Variants in EIF4A1 observed in about 807,000 individuals in gnomAD.
The protein encoded by EIF4A1 is eukaryotic initiation factor 4A-I.
EIF4A1 carries 11 observed loss-of-function variants against 53.5 expected under a neutral mutation model. That is an observed-to-expected ratio of 0.21 (90% CI 0.13 to 0.34). EIF4A1 has a LOEUF of 0.34. EIF4A1 is among the 10% of genes least tolerant of loss of function. The pLI, the probability that EIF4A1 is intolerant of heterozygous loss-of-function variation, is 1.00. For synonymous variants in EIF4A1, 237 were observed against 186.7 expected (o/e 1.27, Z -2.20); for missense variants, 213 against 530.8 (o/e 0.40, Z 5.88).
intron 3 of EIF4A1, chr17:7,574,890 A>G (rs1317098540): frequency 2.9e-6 from 3 of 1,038,940 alleles, no homozygotes; most frequent in Admixed American, 1.7e-5. Context: ...TTATATTTGC[A>G]TCTACAGCCA....
Position 7,578,716 on chromosome 17 carries a change from AC to A in EIF4A1, c.*231del. 2.6e-6 allele frequency: 1 copy of A among 384,958 alleles called. No homozygotes were observed. Among genetic ancestry groups the A allele is most frequent in the Non-Finnish European group, 4.5e-6 (1 of 219,988 alleles). 23.8% of individuals were successfully genotyped at this position (384,958 alleles called of 1,614,324 possible). ...CTCTTCTCCCAAAAAAAAAAAAAAA[AC>A]ACTAATCCATTTCCCTAACCTAGTA... On this transcript the variant is annotated 3_prime_UTR_variant, in exon 11 of 11. Coordinates refer to ENST00000293831, the MANE Select transcript of EIF4A1 (RefSeq NM_001416.4).
intron 4 of EIF4A1, chr17:7,576,175 GA>G (rs373861977): frequency 0.03 from 4,999 of 168,478 alleles, 264 homozygotes; most frequent in African/African-American, 0.11. Context: ...CTCAAAAAAA[GA>G]AAAAAAAAAT....
chr17:7,578,597 C>A lies in EIF4A1; in HGVS notation c.*111C>A. On this transcript the variant is annotated 3_prime_UTR_variant, in exon 11 of 11. Coordinates refer to ENST00000293831, the MANE Select transcript of EIF4A1 (RefSeq NM_001416.4). Reference sequence around the variant, plus strand: ...GGATGGACATCTTGTCATTTTTTTTCTTTGAATAAATGTCACTTTTTGAGG... The same window carrying A: ...GGATGGACATCTTGTCATTTTTTTTATTTGAATAAATGTCACTTTTTGAGG... 6 of 1,272,160 alleles carry A rather than the reference C, an allele frequency of 4.7e-6. No homozygotes were observed. Among genetic ancestry groups the A allele is most frequent in the South Asian group, 4.1e-5 (2 of 48,664 alleles). The allele number at this position is 1,272,160 out of a possible 1,614,324, so 78.8% of individuals were successfully genotyped here.
rs746054327 is a variant in EIF4A1, at chr17:7,578,448, A to G, written c.1183A>G (p.Ile395Val). The G allele has an allele frequency of 9.9e-6, 16 of 1,612,534 alleles. No individual in the cohort carries two copies. Among genetic ancestry groups the G allele is most frequent in the Admixed American group, 3.3e-5 (2 of 59,894 alleles). Residue 395 changes from isoleucine to valine, a missense_variant, in exon 11 of 11, where the codon ATT becomes GTT. Ile to Val is a conservative substitution (Grantham distance 29). Around this residue, in one of 4 missense-constraint regions of EIF4A1, gnomAD observed 28 missense variants for 42.5 expected, o/e 0.66. Coordinates refer to ENST00000293831, the MANE Select transcript of EIF4A1 (RefSeq NM_001416.4). ...CATTGAGACCTTCTACAACACCTCC[A>G]TTGAGGAAATGCCCCTCAATGTTGC... ...RDIETFYNTS[I>V]EEMPLNVADL...
intron 1 of EIF4A1, 147 bp downstream of exon 1, chr17:7,573,011 G>T: frequency 6.9e-7 from 1 of 1,451,180 alleles, no homozygotes; most frequent in Non-Finnish European, 9.6e-7. Context: ...GGGCGAGGGG[G>T]AAGACCCACG....
Position 7,577,367 on chromosome 17 carries a change from G to A in EIF4A1, c.648G>A (p.Met216Ile). The change falls in exon 7 of 11, where the codon ATG (methionine) becomes ATA (isoleucine). Residue 216 changes from methionine to isoleucine, a missense_variant. Met to Ile is a conservative substitution (Grantham distance 10). Coordinates refer to ENST00000293831, the MANE Select transcript of EIF4A1 (RefSeq NM_001416.4). The surrounding 1 kb of genome is among the most constrained non-coding windows in gnomAD (Gnocchi z 4.7). ...AGGTAGTTTTGCTGTCAGCCACAAT[G>A]CCTTCTGATGTGCTTGAGGTGACCA... Reference protein sequence around the residue: ...NTQVVLLSATMPSDVLEVTKK... With the variant: ...NTQVVLLSATIPSDVLEVTKK... 3.7e-6 allele frequency: 6 copies of A among 1,614,058 alleles called. No homozygotes were observed. Among genetic ancestry groups the A allele is most frequent in the Non-Finnish European group, 5.1e-6 (6 of 1,180,024 alleles).
rs1222401132 is a variant in EIF4A1 at position 7,577,244 on chromosome 17, A to C, written c.624+79A>C. ...AGGGGAACCATATACTGGATTCTTG[A>C]GCCTTTTTATGCATCTGCTTCAGTT... On this transcript the variant is annotated intron_variant, in intron 6 of 10. Coordinates refer to ENST00000293831, the MANE Select transcript of EIF4A1 (RefSeq NM_001416.4). The surrounding 1 kb of genome is among the most constrained non-coding windows in gnomAD (Gnocchi z 4.7). 6.4e-7 allele frequency: 1 copy of C among 1,569,306 alleles called. No individual in the cohort carries two copies. Among genetic ancestry groups the C allele is most frequent in the African/African-American group, 1.4e-5 (1 of 73,092 alleles).
At chr17:7,574,776 A>G (rs1439057561) in intron 3 of EIF4A1, 98 bp downstream of exon 3, 2 of 1,580,860 alleles carry the variant, frequency 1.3e-6, no homozygotes, top group African/African-American at 1.3e-5. Context: ...GCCAGGGACA[A>G]AGCAACTCCT....
chr17:7,576,265 G>C (rs1039483957), intron 4 of EIF4A1: 2 of 366,216 alleles, frequency 5.5e-6, no homozygotes, highest in East Asian at 8.6e-5. Flanking sequence ...TAAAGAAACT[G>C]AATTAATTAT....
intron 1 of EIF4A1, chr17:7,573,950 C>G (rs1597847149): frequency 2.6e-6 from 1 of 385,030 alleles, no homozygotes; most frequent in Admixed American, 4.2e-5. Flanking sequence ...CTGGGTCGGG[C>G]CCACGTGGAC....
intron 3 of EIF4A1, 26 bp downstream of exon 3, chr17:7,574,704 A>T (rs1217967158): frequency 6.2e-7 from 1 of 1,611,830 alleles, no homozygotes. Flanking sequence ...CCCAGAAGAC[A>T]TTGTGGACTG....
At chr17:7,574,823 C>A in intron 3 of EIF4A1, 145 bp downstream of exon 3, 1 of 1,362,904 alleles carries the variant, frequency 7.3e-7, no homozygotes, top group Non-Finnish European at 1.0e-6. Flanking sequence ...CGTGCCCATG[C>A]CTGGTTCATG....
Position 7,572,918 on chromosome 17 carries a change from G to T in EIF4A1, c.23+54G>T, listed in dbSNP as rs372894061. On this transcript the variant is annotated intron_variant, in intron 1 of 10. Transcript: ENST00000293831. ...GCTGCTTATTTTGCCGCCCCCTTCC[G>T]ACGGGCCCGCCGGGGGTAGCTGAGA... 3 of 1,613,950 alleles carry T rather than the reference G, an allele frequency of 1.9e-6. No individual in the cohort carries two copies. In the African/African-American group the frequency reaches 4.0e-5, roughly 22 times the overall value.
chr17:7,578,730 C>T lies in EIF4A1; in HGVS notation c.*244C>T, dbSNP rs1402367066. 8.8e-6 allele frequency: 3 copies of T among 341,672 alleles called. No homozygotes were observed. 21.2% of individuals were successfully genotyped at this position (341,672 alleles called of 1,614,324 possible). ...AAAAAAAAAAAACACTAATCCATTT[C>T]CCTAACCTAGTAACCTCCAGATCCC... is the stretch of plus-strand genomic sequence containing the variant. On this transcript the variant is annotated 3_prime_UTR_variant, in exon 11 of 11. Coordinates refer to ENST00000293831, the MANE Select transcript of EIF4A1 (RefSeq NM_001416.4).
rs199817524 is a variant in EIF4A1 at position 7,574,342 on chromosome 17, C to T, written c.72+34C>T. The stretch of plus-strand genomic sequence containing the variant: ...GGAGAAATGGAATTCTGTCCTCCCC[C>T]ATTACAACTTTCAGCCGTATAGAGT... On this transcript the variant is annotated intron_variant, in intron 2 of 10. Transcript: ENST00000293831. 4.8e-5 allele frequency: 78 copies of T among 1,614,012 alleles called. No individual in the cohort carries two copies. In the Middle Eastern group the frequency reaches 1.2e-3, roughly 24 times the overall value.
intron 1 of EIF4A1, chr17:7,574,024 G>GA: frequency 1.8e-6 from 1 of 546,600 alleles, no homozygotes; most frequent in South Asian, 2.4e-5. Flanking sequence ...CCTGTCTTCA[G>GA]AAAGGGTCAC....
Position 7,576,788 on chromosome 17 carries a change from G to C in EIF4A1, c.514+96G>C, listed in dbSNP as rs369821726. On this transcript the variant is annotated intron_variant, in intron 5 of 10. Transcript: ENST00000293831. Reference sequence around the variant, plus strand: ...AGCCAGAGTCATTCCCAAGGATGCTGGTTTCTCTCTGGGGGAAGAGCTGCT... The same window carrying C: ...AGCCAGAGTCATTCCCAAGGATGCTCGTTTCTCTCTGGGGGAAGAGCTGCT... 492 of 1,548,112 alleles carry C rather than the reference G, an allele frequency of 3.2e-4. 1 individual carries two copies. Among genetic ancestry groups the C allele is most frequent in the Non-Finnish European group, 4.0e-4 (460 of 1,141,930 alleles).
rs776011412 is a variant in EIF4A1 at position 7,578,345 on chromosome 17, C to T, written c.1080C>T (p.Ile360=). The T allele has an allele frequency of 1.4e-5, 23 of 1,612,142 alleles. No homozygotes were observed. The highest frequency in any genetic ancestry group is 1.6e-4 in the Middle Eastern group (1 of 6,078). Reference sequence around the variant, plus strand: ...CATCCCCTTCCTTGTTTTCCAGAATCGGTCGAGGTGGACGGTTTGGCCGTA... The same window carrying T: ...CATCCCCTTCCTTGTTTTCCAGAATTGGTCGAGGTGGACGGTTTGGCCGTA... ...PTNRENYIHR[I]GRGGRFGRKG... The change falls in exon 11 of 11, where the codon ATC becomes ATT. Residue 360 remains isoleucine (I), a synonymous_variant. Transcript: ENST00000293831.
chr17:7,574,736 C>T (rs377664081), intron 3 of EIF4A1, 58 bp downstream of exon 3: 4 of 1,607,968 alleles, frequency 2.5e-6, no homozygotes, highest in East Asian at 2.2e-5. Context: ...GGTAGAGTGG[C>T]ATCTGGTTGG....
Sources: gnomAD v4.1 joint callset for allele counts on GRCh38, gnomAD v4.1.1 for gene constraint, gnomAD v4.1.1 regional missense constraint, Gnocchi (gnomAD v3.1) non-coding constraint, MANE v1.5 for transcripts, NCBI Gene and HGNC (gene_info 2026-07-23, HGNC 2026-07-21) for gene names.